Variants in CCND3 observed in about 807,000 individuals in gnomAD.
The protein encoded by CCND3 is cyclin D3.
A neutral mutation model predicts 28.7 loss-of-function variants in CCND3; 9 were observed. That is an observed-to-expected ratio of 0.31 (90% CI 0.19 to 0.55). CCND3 has a LOEUF of 0.55. Ranked by LOEUF, CCND3 falls within the 20% of genes least tolerant of loss-of-function variation. CCND3 has a pLI of 0.93. For synonymous variants in CCND3, 164 were observed against 163.9 expected (o/e 1.00, Z 0.00); for missense variants, 315 against 385.8 (o/e 0.82, Z 1.54).
At chr6:41,972,677 G>A (rs1191171378) in intron 1 of CCND3, among the ~76,000 whole-genome samples, 1 of 151,972 alleles carries the variant, frequency 6.6e-6, no homozygotes, top group South Asian at 2.1e-4. Context: ...ATAGCCTCAC[G>A]CCTCCTTGTC....
chr6:41,997,151 T>G (rs1159127094), intron 1 of CCND3, among the ~76,000 whole-genome samples: 1 of 152,224 alleles, frequency 6.6e-6, no homozygotes, highest in African/African-American at 2.4e-5. Context: ...TAATACTCTC[T>G]TCTGACTTCC....
Position 42,025,707 on chromosome 6 carries a change from CT to C in CCND3, c.-46+22793del, listed in dbSNP as rs757732410. 2.7e-4 allele frequency among the ~76,000 whole-genome samples: 41 copies of C among 152,290 alleles called. 2 individuals are homozygous for C. The highest frequency in any genetic ancestry group is 1.7e-3 in the South Asian group (8 of 4,830). ...ATGCATTCATGGGCTCCCTTAGGGC[CT>C]TTTGGGCTCTGAGTCACAAGGGTGG... On this transcript the variant is annotated intron_variant, in intron 1 of 4. Transcript: ENST00000372988.
rs377101192 is a variant in CCND3, at chr6:41,939,460, C to G, written c.414+910G>C. 1.3e-5 allele frequency among the ~76,000 whole-genome samples: 2 copies of G among 152,170 alleles called. No individual in the cohort carries two copies. The highest frequency in any genetic ancestry group is 2.9e-5 in the Non-Finnish European group (2 of 68,022). On this transcript the variant is annotated intron_variant, in intron 2 of 4. Coordinates refer to ENST00000372991, the MANE Select transcript of CCND3 (RefSeq NM_001760.5). This position sits in a 1 kb window ranked among gnomAD's most constrained non-coding sequence, Gnocchi z 4.2. ...CCTCTTCCAGATCCAGCAGCTCCCC[C>G]GCCTCCTCCCCAGGCTCCTTCTGAG...
At chr6:41,943,382 T>C (rs2127396650), upstream of CCND3, among the ~76,000 whole-genome samples, 1 of 149,058 alleles carries the variant, frequency 6.7e-6, no homozygotes. Context: ...ACAAACTGTT[T>C]TGTAAGCTTT....
intron 2 of CCND3, 21 bp downstream of exon 2, chr6:41,940,349 T>TG: frequency 6.4e-7 from 1 of 1,567,744 alleles, no homozygotes; most frequent in Non-Finnish European, 8.8e-7. Context: ...GTGTCGGGGG[T>TG]GGGGGGAGTT....
Position 42,044,582 on chromosome 6 carries a change from T to A in CCND3, c.-46+3919A>T, listed in dbSNP as rs1309892244. On this transcript the variant is annotated intron_variant, in intron 1 of 4. Coordinates refer to the CCND3 transcript ENST00000372988. ...GCCCCATTTGTTAGAAAGTTCTACG[T>A]TTTTTGAAAATCTGCCTCCACTAGT... Among the ~76,000 whole-genome samples the A allele has an allele frequency of 3.3e-5, 5 of 152,206 alleles. 1 individual carries two copies. In the South Asian group the frequency reaches 1.0e-3, roughly 32 times the overall value.
At chr6:42,036,323 TAAA>T (rs1317249343) in intron 1 of CCND3, among the ~76,000 whole-genome samples, 4 of 133,072 alleles carry the variant, frequency 3.0e-5, no homozygotes, top group African/African-American at 8.2e-5. Context: ...TATATATATA[TAAA>T]ATATATATAT....
At chr6:41,960,017 GGCATAT>G (rs2127403807) in intron 1 of CCND3, among the ~76,000 whole-genome samples, 1 of 152,020 alleles carries the variant, frequency 6.6e-6, no homozygotes, top group African/African-American at 2.4e-5. Flanking sequence ...GAAATAATAT[GGCATAT>G]GCATACAGTG....
rs1764619847 is a variant in CCND3, at chr6:42,048,658, C to T, written c.-203G>A. 3.9e-6 allele frequency: 2 copies of T among 518,330 alleles called. No homozygotes were observed. The highest frequency in any genetic ancestry group is 3.9e-6 in the Non-Finnish European group (1 of 259,668). The allele number at this position is 518,330 out of a possible 1,614,324, so 32.1% of individuals were successfully genotyped here. A position where few individuals can be genotyped will look rare whatever the true frequency, so the allele number is the denominator to read the frequency against. ...CCCCCGGCCGGCATCCGAACAGAGC[C>T]AGTCTCCACCCCTGCAGTGGCGAAG... On this transcript the variant is annotated 5_prime_UTR_variant, in exon 1 of 5. Coordinates refer to the CCND3 transcript ENST00000372988. The surrounding 1 kb of genome is among the most constrained non-coding windows in gnomAD (Gnocchi z 4.7).
chr6:41,953,881 T>G (rs1776374279), intron 1 of CCND3, among the ~76,000 whole-genome samples: 1 of 151,734 alleles, frequency 6.6e-6, no homozygotes. Flanking sequence ...GAGGAAGACA[T>G]GGCACATTAC....
intron 1 of CCND3, among the ~76,000 whole-genome samples, chr6:41,974,471 G>A (rs1184311412): frequency 6.6e-6 from 1 of 152,152 alleles, no homozygotes; most frequent in African/African-American, 2.4e-5. Context: ...GAAGTAGCTG[G>A]GGGTTGCTAG....
chr6:42,009,256 G>A (rs1398773669), intron 1 of CCND3, among the ~76,000 whole-genome samples: 2 of 152,046 alleles, frequency 1.3e-5, no homozygotes, highest in Non-Finnish European at 2.9e-5. Context: ...CAGTTGGATT[G>A]CCTGAGCCCA....
chr6:41,977,335 C>T (rs1013333359), intron 1 of CCND3, among the ~76,000 whole-genome samples: 1 of 152,088 alleles, frequency 6.6e-6, no homozygotes, highest in African/African-American at 2.4e-5. Flanking sequence ...AACACCAAAC[C>T]GTTGAGGAAG....
chr6:41,952,612 TC>T (rs1258482162), intron 1 of CCND3, among the ~76,000 whole-genome samples: 1 of 152,150 alleles, frequency 6.6e-6, no homozygotes, highest in Non-Finnish European at 1.5e-5. Flanking sequence ...GAAGAAGCCC[TC>T]AAGCAAAGTG....
intron 1 of CCND3, among the ~76,000 whole-genome samples, chr6:42,013,287 T>C (rs571110273): frequency 7.0e-4 from 106 of 152,284 alleles, no homozygotes; most frequent in African/African-American, 2.5e-3. Context: ...GATTCATGAG[T>C]TTAGAGCCAA....
At chr6:42,014,349 C>T (rs1259484128) in intron 1 of CCND3, among the ~76,000 whole-genome samples, 1 of 150,572 alleles carries the variant, frequency 6.6e-6, no homozygotes, top group Non-Finnish European at 1.5e-5. Flanking sequence ...GCCTGGGCAA[C>T]AGCGAGACTC....
intron 1 of CCND3, among the ~76,000 whole-genome samples, chr6:41,965,730 T>G (rs1368341347): frequency 6.6e-6 from 1 of 152,104 alleles, no homozygotes; most frequent in Non-Finnish European, 1.5e-5. Flanking sequence ...TCACAAAGTA[T>G]CAGACTAACT....
chr6:42,039,886 C>T (rs1359871351), intron 1 of CCND3, among the ~76,000 whole-genome samples: 1 of 152,220 alleles, frequency 6.6e-6, no homozygotes, highest in Non-Finnish European at 1.5e-5. Flanking sequence ...GGCCAGAAGG[C>T]ACTGGGGGAT....
At position 41,936,191 on chromosome 6, in the gene CCND3, A is replaced by C; in HGVS notation, c.712-84T>G. Reference sequence around the variant, plus strand: ...GTGCAGGGGAAGGACAGCTCCCAACACATGGGGAAGTCTGGGGAGGTTAGG... The same window carrying C: ...GTGCAGGGGAAGGACAGCTCCCAACCCATGGGGAAGTCTGGGGAGGTTAGG... On this transcript the variant is annotated intron_variant, in intron 4 of 4. Transcript: ENST00000372991. The surrounding 1 kb of genome is among the most constrained non-coding windows in gnomAD (Gnocchi z 4.4). 7.0e-7 allele frequency: 1 copy of C among 1,434,874 alleles called. No individual in the cohort carries two copies. Among genetic ancestry groups the C allele is most frequent in the Non-Finnish European group, 9.4e-7 (1 of 1,068,918 alleles). The allele number at this position is 1,434,874 out of a possible 1,614,324, so 88.9% of individuals were successfully genotyped here.
Sources: allele counts gnomAD v4.1 joint callset (sites outside exome capture counted in the v4.1 genomes callset), GRCh38; gene constraint gnomAD v4.1.1; non-coding constraint Gnocchi (gnomAD v3.1); transcripts MANE v1.5; gene names NCBI Gene and HGNC (gene_info 2026-07-23, HGNC 2026-07-21).